Variants in ULK4 observed in about 807,000 individuals in gnomAD.
ULK4 encodes the protein unc-51 like kinase 4.
A neutral mutation model predicts 160.6 loss-of-function variants in ULK4; 133 were observed. The observed-to-expected ratio is 0.83, with a 90% confidence interval of 0.72 to 0.96. ULK4 has a LOEUF of 0.96. Among genes scored for constraint, ULK4 ranks in the 40% least tolerant of loss-of-function variants. ULK4 has a pLI of 0.00. For synonymous variants in ULK4, 534 were observed against 539.8 expected (o/e 0.99, Z 0.15); for missense variants, 1,580 against 1,499.5 (o/e 1.05, Z -0.89).
intron 32 of ULK4, among the ~76,000 whole-genome samples, chr3:41,493,904 C>G (rs199924832): frequency 0.39 from 55,302 of 142,522 alleles, 10,751 homozygotes; most frequent in African/African-American, 0.41. Context: ...CTGAATAGAC[C>G]AATAACAGGA....
intron 34 of ULK4, among the ~76,000 whole-genome samples, chr3:41,452,518 G>C (rs1252088521): frequency 1.3e-5 from 2 of 152,130 alleles, no homozygotes; most frequent in African/African-American, 4.8e-5. Flanking sequence ...AGGTTCATCA[G>C]AGCCACTCTG....
chr3:41,527,973 G>A (rs935479887), intron 32 of ULK4, among the ~76,000 whole-genome samples: 1 of 152,170 alleles, frequency 6.6e-6, no homozygotes, highest in Non-Finnish European at 1.5e-5. Context: ...TGACCCTCGA[G>A]AATTATAAAT....
At chr3:41,550,101 T>A (rs536572891) in intron 32 of ULK4, among the ~76,000 whole-genome samples, 1 of 151,868 alleles carries the variant, frequency 6.6e-6, no homozygotes, top group South Asian at 2.1e-4. Flanking sequence ...ATATTTACCA[T>A]CACAAAAGTA....
At chr3:41,416,028 T>C (rs1653017819) in intron 34 of ULK4, among the ~76,000 whole-genome samples, 1 of 152,206 alleles carries the variant, frequency 6.6e-6, no homozygotes, top group African/African-American at 2.4e-5. Context: ...TAGGAAAAAA[T>C]GTGGCTATAC....
intron 35 of ULK4, among the ~76,000 whole-genome samples, chr3:41,364,129 G>A (rs895219351): frequency 3.9e-5 from 6 of 152,180 alleles, no homozygotes; most frequent in Admixed American, 2.0e-4. Flanking sequence ...GTAGAGACAA[G>A]GTCTCAAAAT....
chr3:41,953,936 C>T (rs995057235), intron 2 of ULK4, among the ~76,000 whole-genome samples: 8 of 152,014 alleles, frequency 5.3e-5, no homozygotes, highest in Non-Finnish European at 8.8e-5. Flanking sequence ...GTAATCCCAG[C>T]ACTTTGGGAG....
intron 4 of ULK4, among the ~76,000 whole-genome samples, chr3:41,934,783 A>G (rs1469457116): frequency 6.6e-6 from 1 of 152,284 alleles, no homozygotes; most frequent in South Asian, 2.1e-4. Context: ...AATATCAGGA[A>G]TCATACACAT....
chr3:41,631,983 C>G (rs1450980985), intron 30 of ULK4, among the ~76,000 whole-genome samples: 1 of 152,200 alleles, frequency 6.6e-6, no homozygotes, highest in Admixed American at 6.5e-5. Context: ...GGGTCCTGAG[C>G]CTTCACTCTC....
chr3:41,926,563 G>A (rs1268036574), intron 5 of ULK4, among the ~76,000 whole-genome samples: 2 of 152,118 alleles, frequency 1.3e-5, no homozygotes, highest in Non-Finnish European at 2.9e-5. Flanking sequence ...AGCTAAAGAA[G>A]CATGTTCTAA....
At chr3:41,760,823 T>C (rs995069472) in intron 21 of ULK4, among the ~76,000 whole-genome samples, 1 of 152,206 alleles carries the variant, frequency 6.6e-6, no homozygotes, top group African/African-American at 2.4e-5. Flanking sequence ...GGATATTTAA[T>C]CTGCAGTCAA....
intron 31 of ULK4, among the ~76,000 whole-genome samples, chr3:41,602,464 A>AACTAGAG (rs1338914440): frequency 6.6e-6 from 1 of 152,014 alleles, no homozygotes; most frequent in African/African-American, 2.4e-5. Flanking sequence ...AAAGACAGAA[A>AACTAGAG]ACTAGAGAAA....
intron 32 of ULK4, among the ~76,000 whole-genome samples, chr3:41,522,251 C>CA (rs2085957755): frequency 6.6e-6 from 1 of 151,762 alleles, no homozygotes. Flanking sequence ...CTCAGCCTCC[C>CA]AACCTGTAAT....
chr3:41,273,442 C>G (rs2079173154), intron 35 of ULK4, among the ~76,000 whole-genome samples: 1 of 152,146 alleles, frequency 6.6e-6, no homozygotes, highest in Admixed American at 6.5e-5. Context: ...TTTTCCTGAC[C>G]TCACATACAG....
intron 32 of ULK4, among the ~76,000 whole-genome samples, chr3:41,504,015 A>G (rs2125917924): frequency 6.6e-6 from 1 of 151,950 alleles, no homozygotes; most frequent in East Asian, 1.9e-4. Context: ...AAAAACAACA[A>G]AATCTCCCCA....
intron 32 of ULK4, among the ~76,000 whole-genome samples, chr3:41,511,669 AG>A (rs2085583201): frequency 6.6e-6 from 1 of 152,000 alleles, no homozygotes; most frequent in African/African-American, 2.4e-5. Flanking sequence ...AACAAAAAAA[AG>A]TCCAGTACCA....
At chr3:41,526,592 C>A (rs572719361) in intron 32 of ULK4, among the ~76,000 whole-genome samples, 1 of 152,310 alleles carries the variant, frequency 6.6e-6, no homozygotes, top group Non-Finnish European at 1.5e-5. Context: ...AGAGTTATCA[C>A]CATAGGGACA....
At chr3:41,709,459 T>C (rs1269314764) in intron 25 of ULK4, among the ~76,000 whole-genome samples, 2 of 152,178 alleles carry the variant, frequency 1.3e-5, no homozygotes, top group African/African-American at 4.8e-5. Flanking sequence ...TGATCTCGGT[T>C]CACTGCAACC....
chr3:41,287,727 TACTC>T (rs920560150), intron 35 of ULK4, among the ~76,000 whole-genome samples: 10 of 152,288 alleles, frequency 6.6e-5, no homozygotes, highest in Middle Eastern at 3.4e-3. Flanking sequence ...CTCAACCAAG[TACTC>T]ACAGTGAAAA....
At chr3:41,519,036 C>T (rs1384769433) in intron 32 of ULK4, among the ~76,000 whole-genome samples, 1 of 152,172 alleles carries the variant, frequency 6.6e-6, no homozygotes, top group Non-Finnish European at 1.5e-5. Context: ...AGGCCATAAG[C>T]CCACCTCCCA....
Sources: allele counts gnomAD v4.1 joint callset (sites outside exome capture counted in the v4.1 genomes callset), GRCh38; gene constraint gnomAD v4.1.1; transcripts MANE v1.5; gene names NCBI Gene and HGNC (gene_info 2026-07-23, HGNC 2026-07-21).